HOATZ: variants seen among roughly 807,000 people sequenced by gnomAD.
HOATZ encodes the protein cilia- and flagella-associated protein HOATZ.
A neutral mutation model predicts 24.9 loss-of-function variants in HOATZ; 26 were observed. That is an observed-to-expected ratio of 1.04 (90% confidence interval 0.76 to 1.45). The LOEUF is 1.45. Ranked by LOEUF, HOATZ falls within the 40% of genes most tolerant of loss-of-function variation. The probability of loss-of-function intolerance (pLI) is 0.00; values close to 1 mark genes in which losing one functional copy is unlikely to be tolerated. For synonymous variants in HOATZ, 83 were observed against 76.6 expected (o/e 1.08, Z -0.43); for missense variants, 226 against 201.5 (o/e 1.12, Z -0.74).
chr11:111,523,321 G>C (rs1867293293), intron 3 of HOATZ, among the ~76,000 whole-genome samples: 1 of 148,730 alleles, frequency 6.7e-6, no homozygotes, highest in Non-Finnish European at 1.5e-5. Flanking sequence ...ATATGTATTA[G>C]ATAAGCTTTA....
At chr11:111,515,054 G>A in intron 1 of HOATZ, 44 bp downstream of exon 1, 1 of 1,430,384 alleles carries the variant, frequency 7.0e-7, no homozygotes, top group Non-Finnish European at 9.8e-7. Flanking sequence ...CTGCCTCACC[G>A]TAACTGGCCT....
At position 111,514,993 on chromosome 11, in the gene HOATZ, G is replaced by A. The variant is rs773032147; in HGVS notation, c.209G>A (p.Arg70Lys). 4 of 1,612,964 alleles carry A rather than the reference G, an allele frequency of 2.5e-6. No homozygotes were observed. The African/African-American group carries it at 5.3e-5, about 22-fold the overall frequency. ...CAGCGTCTGCCGGTGGCGCGGCCCAGGAGGAGCAGAGGGTCTGGTGAGTAG... is the reference window on the plus strand; with the variant it reads ...CAGCGTCTGCCGGTGGCGCGGCCCAAGAGGAGCAGAGGGTCTGGTGAGTAG... ...SSQRLPVARPRRSRGSENSHS... is the reference protein window; with the variant it reads ...SSQRLPVARPKRSRGSENSHS... The change falls in exon 1 of 6, where the codon AGG becomes AAG. Residue 70 changes from arginine (R) to lysine (K), a missense_variant. Coordinates refer to ENST00000375618, the MANE Select transcript of HOATZ (RefSeq NM_001100388.2).
At chr11:111,531,512 G>A (rs1383807294) in intron 3 of HOATZ, among the ~76,000 whole-genome samples, 2 of 152,202 alleles carry the variant, frequency 1.3e-5, no homozygotes, top group Non-Finnish European at 2.9e-5. Context: ...TTGAATACAT[G>A]TGTAATGGAA....
intron 3 of HOATZ, among the ~76,000 whole-genome samples, chr11:111,528,331 C>T (rs955991392): frequency 2.0e-5 from 3 of 151,882 alleles, no homozygotes; most frequent in African/African-American, 4.8e-5. Flanking sequence ...AGAGCAAGAC[C>T]CTGTCTCAAA....
chr11:111,534,360 A>T, intron 4 of HOATZ, 52 bp from the exon 5 acceptor site: 1 of 1,273,566 alleles, frequency 7.9e-7, no homozygotes, highest in South Asian at 1.2e-5. Context: ...AATTCCAATC[A>T]GTGCAAGAAG....
chr11:111,523,885 T>C (rs905313253), intron 3 of HOATZ, among the ~76,000 whole-genome samples: 1 of 152,264 alleles, frequency 6.6e-6, no homozygotes, highest in East Asian at 1.9e-4. Context: ...TAAATGCCTC[T>C]TTCTTTAATT....
rs112138397 is a variant in HOATZ, at chr11:111,514,962, A to G, written c.178A>G (p.Ser60Gly). Residue 60 changes from serine (S) to glycine (G), a missense_variant, in exon 1 of 6, where the codon AGC becomes GGC. Ser to Gly is a moderately conservative substitution (Grantham distance 56, BLOSUM62 0). Transcript: ENST00000375618. ...SESQLVLRRD[S>G]SQRLPVARPR... ...ATCTCAGCTGGTGCTGCGCAGAGAC[A>G]GCAGTCAGCGTCTGCCGGTGGCGCG... 425 of 1,613,860 alleles carry G rather than the reference A, an allele frequency of 2.6e-4. No individual in the cohort carries two copies. The African/African-American group carries it at 4.5e-3, about 17-fold the overall frequency.
At chr11:111,526,733 G>C (rs1376596607) in intron 3 of HOATZ, 1 of 152,188 alleles carries the variant, frequency 6.6e-6, no homozygotes, top group African/African-American at 2.4e-5. Context: ...CAAAGAAGAA[G>C]TATGAGCCAG....
At chr11:111,528,563 A>G (rs1867362949) in intron 3 of HOATZ, among the ~76,000 whole-genome samples, 1 of 152,194 alleles carries the variant, frequency 6.6e-6, no homozygotes, top group Admixed American at 6.5e-5. Flanking sequence ...CTATAATTCA[A>G]CTATCTTTAC....
At chr11:111,536,666 G>A in intron 5 of HOATZ, 104 bp from the exon 6 acceptor site, 1 of 899,134 alleles carries the variant, frequency 1.1e-6, no homozygotes, top group South Asian at 1.4e-5. Flanking sequence ...ATCTACAACA[G>A]TGAATTTTTA....
intron 2 of HOATZ, 59 bp from the exon 3 acceptor site, chr11:111,515,981 T>C: frequency 1.7e-6 from 2 of 1,157,734 alleles, no homozygotes; most frequent in South Asian, 1.4e-5. Flanking sequence ...TTTATATCAA[T>C]TTTAGTATAA....
intron 3 of HOATZ, among the ~76,000 whole-genome samples, chr11:111,527,671 A>C (rs1182344046): frequency 1.3e-5 from 2 of 152,206 alleles, no homozygotes; most frequent in Admixed American, 1.3e-4. Context: ...TTATTATTAG[A>C]GTAGATATAA....
intron 3 of HOATZ, among the ~76,000 whole-genome samples, chr11:111,528,478 T>G (rs940953489): frequency 6.6e-6 from 1 of 152,214 alleles, no homozygotes; most frequent in Non-Finnish European, 1.5e-5. Flanking sequence ...TACAATTAAT[T>G]TATAATTTAA....
chr11:111,527,524 C>T (rs928307781), intron 3 of HOATZ, among the ~76,000 whole-genome samples: 12 of 152,162 alleles, frequency 7.9e-5, no homozygotes, highest in African/African-American at 2.7e-4. Context: ...GTAACATCTT[C>T]GATCCACTCC....
chr11:111,525,012 G>C (rs771307260), intron 3 of HOATZ: 4 of 359,204 alleles, frequency 1.1e-5, no homozygotes, highest in African/African-American at 8.8e-5. Context: ...GGGACTACAG[G>C]TGCACACCAT....
chr11:111,530,820 C>T (rs1001090155), intron 3 of HOATZ, among the ~76,000 whole-genome samples: 45 of 152,034 alleles, frequency 3.0e-4, no homozygotes, highest in Admixed American at 2.0e-4. Context: ...TTTAGCTTTC[C>T]TGGCAGAGAT....
At chr11:111,534,368 A>G (rs751533569) in intron 4 of HOATZ, 44 bp from the exon 5 acceptor site, 2 of 1,412,018 alleles carry the variant, frequency 1.4e-6, no homozygotes, top group Admixed American at 3.4e-5. Context: ...TCAGTGCAAG[A>G]AGTAAAATTT....
chr11:111,525,084 T>C (rs1454122821), intron 3 of HOATZ: 1 of 288,582 alleles, frequency 3.5e-6, no homozygotes, highest in Non-Finnish European at 6.8e-6. Flanking sequence ...TTGCCCAGGC[T>C]GGTCTTGAAC....
intron 3 of HOATZ, among the ~76,000 whole-genome samples, chr11:111,530,149 T>A (rs140945827): frequency 3.7e-3 from 562 of 152,346 alleles, no homozygotes; most frequent in Non-Finnish European, 6.3e-3. Context: ...GTAATTTTTA[T>A]CTCCAATTTT....
Sources: gnomAD v4.1 joint callset for allele counts (sites outside exome capture counted in the v4.1 genomes callset) on GRCh38, gnomAD v4.1.1 for gene constraint, MANE v1.5 for transcripts, NCBI Gene and HGNC (gene_info 2026-07-23, HGNC 2026-07-21) for gene names.